The following TSPAN12 variants were observed in gnomAD, a reference collection of about 807,000 sequenced individuals.
The protein encoded by TSPAN12 is tetraspanin 12, also known as tetraspanin-12.
Under a neutral mutation model 39.2 loss-of-function variants are expected in TSPAN12, and 19 were observed. The observed-to-expected ratio is 0.49, with a 90% CI of 0.34 to 0.71. TSPAN12 has a LOEUF of 0.71. TSPAN12 is among the 30% of genes least tolerant of loss of function. TSPAN12 has a pLI of 0.01. For missense variants in TSPAN12, 314 were observed against 359.9 expected (o/e 0.87, Z 1.03); for synonymous variants, 119 against 124.8 (o/e 0.95, Z 0.31).
intron 4 of TSPAN12, among the ~76,000 whole-genome samples, chr7:120,836,528 C>T (rs147777617): frequency 3.7e-4 from 56 of 152,312 alleles, no homozygotes; most frequent in South Asian, 2.7e-3. Context: ...TCATCATCTT[C>T]CCAGAGGGTG....
In TSPAN12 at chr7:120,824,939, T is replaced by C. The variant is rs925965079; in HGVS notation, c.286-9136A>G. On this transcript the variant is annotated intron_variant, in intron 4 of 7. Coordinates refer to ENST00000222747, the MANE Select transcript of TSPAN12 (RefSeq NM_012338.4). Reference sequence around the variant, plus strand: ...GCATGTTTAGAGAAAATATACTCTCTACATGTAAAACTTAACACCCTCATT... The same window carrying C: ...GCATGTTTAGAGAAAATATACTCTCCACATGTAAAACTTAACACCCTCATT... Among the ~76,000 whole-genome samples the C allele has an allele frequency of 3.5e-4, 54 of 152,174 alleles. 1 individual carries two copies. The highest frequency in any genetic ancestry group is 4.6e-4 in the Admixed American group (7 of 15,270).
intron 4 of TSPAN12, among the ~76,000 whole-genome samples, chr7:120,817,203 A>G (rs1258362899): frequency 6.6e-6 from 1 of 151,944 alleles, no homozygotes; most frequent in Non-Finnish European, 1.5e-5. Context: ...ATGAGACCCC[A>G]TATCTACAAA....
chr7:120,857,363 T>TGGGGCGGC (rs1794893155), intron 1 of TSPAN12: 4 of 154,612 alleles, frequency 2.6e-5, no homozygotes, highest in Admixed American at 1.9e-4. Flanking sequence ...TGCAAGGGAC[T>TGGGGCGGC]GGGGCGGCGG....
chr7:120,840,420 G>A (rs74933401), intron 2 of TSPAN12, among the ~76,000 whole-genome samples: 8,271 of 152,150 alleles, frequency 0.054, 453 homozygotes, highest in African/African-American at 0.14. Flanking sequence ...TATAAGATGT[G>A]TCTAAAACAC....
intron 7 of TSPAN12, among the ~76,000 whole-genome samples, chr7:120,796,233 C>A (rs1381507906): frequency 6.6e-6 from 1 of 152,154 alleles, no homozygotes; most frequent in East Asian, 1.9e-4. Flanking sequence ...AAATTTGCAT[C>A]TATAAGAAGT....
At chr7:120,815,908 A>C in intron 4 of TSPAN12, 105 bp from the exon 5 acceptor site, 1 of 978,176 alleles carries the variant, frequency 1.0e-6, no homozygotes, top group Non-Finnish European at 1.6e-6. Context: ...AAACAGAGGC[A>C]AGTTTTCATG....
At chr7:120,852,767 A>G (rs1794792801) in intron 2 of TSPAN12, among the ~76,000 whole-genome samples, 1 of 152,210 alleles carries the variant, frequency 6.6e-6, no homozygotes, top group Non-Finnish European at 1.5e-5. Context: ...ACACTTGGAT[A>G]AAAAACAAAA....
chr7:120,790,916 A>G (rs1562935202), intron 7 of TSPAN12, among the ~76,000 whole-genome samples: 1 of 152,214 alleles, frequency 6.6e-6, no homozygotes, highest in Non-Finnish European at 1.5e-5. Flanking sequence ...GCCTTGGATC[A>G]TGTTTAGCTG....
chr7:120,844,829 C>T (rs1794642860), intron 2 of TSPAN12, among the ~76,000 whole-genome samples: 1 of 152,150 alleles, frequency 6.6e-6, no homozygotes, highest in Non-Finnish European at 1.5e-5. Flanking sequence ...GGAGAGTGGC[C>T]CTCTTCACAC....
intron 2 of TSPAN12, among the ~76,000 whole-genome samples, chr7:120,851,890 C>T (rs534282290): frequency 7.9e-5 from 12 of 152,308 alleles, no homozygotes; most frequent in African/African-American, 2.9e-4. Context: ...TACAATAGTA[C>T]TAGAATCTGG....
chr7:120,822,349 T>C (rs1794203612), intron 4 of TSPAN12, among the ~76,000 whole-genome samples: 1 of 151,936 alleles, frequency 6.6e-6, no homozygotes, highest in South Asian at 2.1e-4. Context: ...CCCCCTAGGA[T>C]TTCCCCCTAA....
At chr7:120,829,622 C>A (rs1794353869) in intron 4 of TSPAN12, among the ~76,000 whole-genome samples, 1 of 152,098 alleles carries the variant, frequency 6.6e-6, no homozygotes, top group Non-Finnish European at 1.5e-5. Context: ...AAACACAGCA[C>A]AATTGCTGAA....
chr7:120,821,584 T>C (rs1794188689), intron 4 of TSPAN12, among the ~76,000 whole-genome samples: 1 of 152,168 alleles, frequency 6.6e-6, no homozygotes. Flanking sequence ...AATGTTAAAA[T>C]TACCTTGCAA....
At chr7:120,853,617 G>C (rs1794812789) in intron 2 of TSPAN12, among the ~76,000 whole-genome samples, 1 of 150,554 alleles carries the variant, frequency 6.6e-6, no homozygotes, top group Admixed American at 6.6e-5. Flanking sequence ...GCTCACACCT[G>C]TAATCCCAGC....
In TSPAN12 at chr7:120,853,454, CCAAGT is replaced by C. The variant is rs964901764; in HGVS notation, c.66+3239_66+3243del. ...GAACATTTTTAAAAACAAACCTTAA[CCAAGT>C]CAAGAAATGCAGATATATATATATA... On this transcript the variant is annotated intron_variant, in intron 2 of 7. Transcript: ENST00000222747. Among the ~76,000 whole-genome samples, 5 of 140,174 alleles carry C rather than the reference CCAAGT, an allele frequency of 3.6e-5. No individual in the cohort carries two copies. The South Asian group carries it at 6.8e-4, about 19-fold the overall frequency. 92.0% of individuals were successfully genotyped at this position (140,174 alleles called of 152,430 possible).
chr7:120,853,518 A>T (rs994367055), intron 2 of TSPAN12, among the ~76,000 whole-genome samples: 59 of 148,738 alleles, frequency 4.0e-4, no homozygotes, highest in African/African-American at 1.2e-3. Flanking sequence ...ATATTTAGAC[A>T]TATATTTATA....
chr7:120,831,921 C>A, intron 4 of TSPAN12, among the ~76,000 whole-genome samples: 1 of 151,008 alleles, frequency 6.6e-6, no homozygotes, highest in Non-Finnish European at 1.5e-5. Context: ...CAAATTGTAC[C>A]CCATAAATAT....
At chr7:120,854,797 C>T (rs1562955877) in intron 2 of TSPAN12, among the ~76,000 whole-genome samples, 1 of 152,012 alleles carries the variant, frequency 6.6e-6, no homozygotes, top group South Asian at 2.1e-4. Context: ...TAAAGAAAAA[C>T]GTATACAAGA....
chr7:120,850,239 C>A (rs1184923619), intron 2 of TSPAN12, among the ~76,000 whole-genome samples: 2 of 152,160 alleles, frequency 1.3e-5, no homozygotes, highest in Non-Finnish European at 2.9e-5. Context: ...TTCTAGACCA[C>A]CATGTTTTCC....
Sources: gnomAD v4.1 joint callset for allele counts (sites outside exome capture counted in the v4.1 genomes callset) on GRCh38, gnomAD v4.1.1 for gene constraint, MANE v1.5 for transcripts, NCBI Gene and HGNC (gene_info 2026-07-23, HGNC 2026-07-21) for gene names.